Variants in PTPRG observed in about 807,000 individuals in gnomAD.
The protein encoded by PTPRG is protein tyrosine phosphatase receptor type G.
Under a neutral mutation model 165.3 loss-of-function variants are expected in PTPRG, and 102 were observed. That is an observed-to-expected ratio of 0.62 (90% CI 0.53 to 0.73). The LOEUF (loss-of-function observed/expected upper bound fraction) is 0.73. Among genes scored for constraint, PTPRG ranks in the 30% least tolerant of loss-of-function variants. PTPRG has a pLI of 0.00. For synonymous variants in PTPRG, 675 were observed against 669.5 expected, an observed-to-expected ratio of 1.01 and a Z score of -0.13; for missense variants, 1,866 against 1,861.4, an observed-to-expected ratio of 1.00 and a Z score of -0.05.
At chr3:61,793,557 C>T (rs187221149) in intron 2 of PTPRG, among the ~76,000 whole-genome samples, 86 of 152,172 alleles carry the variant, frequency 5.7e-4, no homozygotes, top group Middle Eastern at 3.4e-3. Flanking sequence ...TGAGTCAATT[C>T]CTTATTTTAT....
intron 4 of PTPRG, among the ~76,000 whole-genome samples, chr3:62,072,609 A>ATGTGTATGTG (rs1012938031): frequency 7.1e-6 from 1 of 141,252 alleles, no homozygotes; most frequent in Non-Finnish European, 1.5e-5. Context: ...GAGAATATAT[A>ATGTGTATGTG]TGTGTATGTG....
At chr3:61,781,055 G>T (rs1209301354) in intron 2 of PTPRG, among the ~76,000 whole-genome samples, 2 of 152,198 alleles carry the variant, frequency 1.3e-5, no homozygotes, top group African/African-American at 4.8e-5. Flanking sequence ...AATTTCACAT[G>T]ACTTGAGAGT....
intron 4 of PTPRG, among the ~76,000 whole-genome samples, chr3:62,068,804 C>G (rs931136034): frequency 6.6e-6 from 1 of 152,214 alleles, no homozygotes; most frequent in East Asian, 1.9e-4. Context: ...TCTACTGCCC[C>G]AAAACTTGGG....
At chr3:61,974,296 AT>A (rs1205610378) in intron 2 of PTPRG, among the ~76,000 whole-genome samples, 1 of 152,044 alleles carries the variant, frequency 6.6e-6, no homozygotes, top group Non-Finnish European at 1.5e-5. Context: ...ATCTTCTCAA[AT>A]TTAGTATGTC....
At chr3:62,014,294 C>G (rs1436820747) in intron 4 of PTPRG, among the ~76,000 whole-genome samples, 1 of 152,114 alleles carries the variant, frequency 6.6e-6, no homozygotes, top group Non-Finnish European at 1.5e-5. Flanking sequence ...TGGCCTGGCG[C>G]TGTATTGAGC....
chr3:62,113,342 C>G (rs551761817), intron 5 of PTPRG, among the ~76,000 whole-genome samples: 12 of 152,252 alleles, frequency 7.9e-5, no homozygotes, highest in African/African-American at 2.9e-4. Flanking sequence ...CCGATCAGCA[C>G]CACTCTAGTT....
intron 5 of PTPRG, among the ~76,000 whole-genome samples, chr3:62,125,305 G>T (rs944341252): frequency 6.6e-6 from 1 of 152,140 alleles, no homozygotes; most frequent in Admixed American, 6.5e-5. Context: ...AATGTGCCTT[G>T]TCTCTTATAT....
chr3:61,590,702 T>A (rs937417721), intron 1 of PTPRG, among the ~76,000 whole-genome samples: 1 of 152,248 alleles, frequency 6.6e-6, no homozygotes, highest in African/African-American at 2.4e-5. Flanking sequence ...TAATATGCTG[T>A]ATTTATCATT....
At chr3:62,027,062 A>C (rs1397924573) in intron 4 of PTPRG, among the ~76,000 whole-genome samples, 5 of 152,046 alleles carry the variant, frequency 3.3e-5, no homozygotes, top group African/African-American at 1.2e-4. Context: ...GAGTCAGTAT[A>C]GATATTCTCT....
intron 8 of PTPRG, among the ~76,000 whole-genome samples, chr3:62,178,259 G>A (rs148820142): frequency 0.013 from 1,954 of 152,114 alleles, 19 homozygotes; most frequent in Middle Eastern, 0.1. Flanking sequence ...GGATGTATGG[G>A]AGGATGGAGG....
At chr3:61,845,592 A>G (rs1002757771) in intron 2 of PTPRG, among the ~76,000 whole-genome samples, 7 of 152,212 alleles carry the variant, frequency 4.6e-5, no homozygotes, top group African/African-American at 1.4e-4. Context: ...CTCACCAGAA[A>G]TGTCTTCAAG....
intron 6 of PTPRG, among the ~76,000 whole-genome samples, chr3:62,140,210 C>G (rs1371583521): frequency 1.3e-5 from 2 of 152,210 alleles, no homozygotes; most frequent in Non-Finnish European, 2.9e-5. Context: ...CTTAAGAAGA[C>G]CATGTGCCTA....
At chr3:61,957,510 C>T (rs968313319) in intron 2 of PTPRG, among the ~76,000 whole-genome samples, 4 of 152,346 alleles carry the variant, frequency 2.6e-5, no homozygotes, top group Admixed American at 1.3e-4. Context: ...TTATGGAGAG[C>T]AGGCAAACAT....
intron 26 of PTPRG, among the ~76,000 whole-genome samples, chr3:62,279,526 C>T (rs1320165276): frequency 6.6e-6 from 1 of 152,058 alleles, no homozygotes; most frequent in Non-Finnish European, 1.5e-5. Flanking sequence ...AGGATCACAT[C>T]CACTCATAAA....
chr3:61,638,610 T>A (rs1430462016), intron 1 of PTPRG, among the ~76,000 whole-genome samples: 12 of 144,922 alleles, frequency 8.3e-5, no homozygotes, highest in Non-Finnish European at 1.7e-4. Context: ...TTTTTTTTTT[T>A]TTTTTTTTGG....
rs1208869201 is a variant in PTPRG at position 61,784,410 on chromosome 3, A to C, written c.190+35428A>C. On this transcript the variant is annotated intron_variant, in intron 2 of 29. Transcript: ENST00000474889. ...ATAATATGTAAATATTTTTGATTCT[A>C]TAAAGACATAGTTTTAACCTAATTG... Among the ~76,000 whole-genome samples, 7 of 152,338 alleles carry C rather than the reference A, an allele frequency of 4.6e-5. No individual in the cohort carries two copies. In the South Asian group the frequency reaches 6.2e-4, roughly 14 times the overall value.
At chr3:61,766,250 C>T (rs2034011059) in intron 2 of PTPRG, among the ~76,000 whole-genome samples, 2 of 152,108 alleles carry the variant, frequency 1.3e-5, no homozygotes, top group South Asian at 2.1e-4. Context: ...TATACAGTTT[C>T]GAGCTCAAAT....
intron 2 of PTPRG, among the ~76,000 whole-genome samples, chr3:61,936,287 G>A (rs1167217269): frequency 6.6e-6 from 1 of 152,220 alleles, no homozygotes; most frequent in African/African-American, 2.4e-5. Context: ...CTGTGGGACA[G>A]GTACTAGTTC....
chr3:61,967,849 G>A (rs746579234), intron 2 of PTPRG, among the ~76,000 whole-genome samples: 1 of 152,168 alleles, frequency 6.6e-6, no homozygotes, highest in Non-Finnish European at 1.5e-5. Flanking sequence ...AAAAGCTTGT[G>A]TGTGCGTTTG....
Sources: gnomAD v4.1 joint callset for allele counts (sites outside exome capture counted in the v4.1 genomes callset) on GRCh38, gnomAD v4.1.1 for gene constraint, MANE v1.5 for transcripts, NCBI Gene and HGNC (gene_info 2026-07-23, HGNC 2026-07-21) for gene names.